The following GPCPD1 variants were observed in gnomAD, a reference collection of about 807,000 sequenced individuals.
The protein encoded by GPCPD1 is glycerophosphocholine phosphodiesterase GPCPD1.
A neutral mutation model predicts 89.2 loss-of-function variants in GPCPD1; 29 were observed. The ratio of observed to expected loss-of-function variants is 0.33; its 90% CI spans 0.24 to 0.44. The LOEUF is 0.44. Ranked by LOEUF, GPCPD1 falls within the 20% of genes least tolerant of loss-of-function variation. GPCPD1 has a pLI of 1.00. For synonymous variants in GPCPD1, 258 were observed against 266.3 expected (o/e 0.97, Z 0.30); for missense variants, 594 against 808.9 (o/e 0.73, Z 3.22).
At chr20:5,585,987 G>A in intron 5 of GPCPD1, 3 of 423,884 alleles carry the variant, frequency 7.1e-6, no homozygotes, top group Non-Finnish European at 1.3e-5. Flanking sequence ...AAATATCTAG[G>A]TAAATATTTC....
chr20:5,572,105 G>T (rs1288186011), intron 11 of GPCPD1, among the ~76,000 whole-genome samples: 1 of 151,856 alleles, frequency 6.6e-6, no homozygotes, highest in Non-Finnish European at 1.5e-5. Context: ...TGTGGTCCCA[G>T]CTACTTGAGA....
At chr20:5,578,359 C>T (rs1978305533) in intron 8 of GPCPD1, 21 bp downstream of exon 8, 1 of 1,326,294 alleles carries the variant, frequency 7.5e-7, no homozygotes, top group African/African-American at 1.4e-5. Flanking sequence ...TCTCAATCCC[C>T]TCACTGCAGT....
intron 1 of GPCPD1, among the ~76,000 whole-genome samples, chr20:5,606,891 G>A (rs1208848939): frequency 6.6e-6 from 1 of 152,186 alleles, no homozygotes; most frequent in Non-Finnish European, 1.5e-5. Flanking sequence ...ATCTCACAGA[G>A]TGCAAGACCA....
At chr20:5,558,845 C>A in intron 17 of GPCPD1, 26 bp from the exon 18 acceptor site, 1 of 1,505,828 alleles carries the variant, frequency 6.6e-7, no homozygotes, top group South Asian at 1.2e-5. Context: ...TTTAAAAATA[C>A]CTTTCAATGG....
intron 3 of GPCPD1, among the ~76,000 whole-genome samples, chr20:5,596,527 T>C (rs1189592702): frequency 1.3e-5 from 2 of 152,316 alleles, no homozygotes; most frequent in East Asian, 3.9e-4. Flanking sequence ...ATTGCCCTTA[T>C]ATCCTTTCCC....
intron 16 of GPCPD1, among the ~76,000 whole-genome samples, chr20:5,561,046 T>G (rs1728641746): frequency 6.6e-6 from 1 of 152,238 alleles, no homozygotes. Context: ...TTGTAAGTGA[T>G]TTAAAACAAT....
intron 3 of GPCPD1, among the ~76,000 whole-genome samples, chr20:5,595,299 T>TA (rs1979635012): frequency 6.6e-6 from 1 of 151,796 alleles, no homozygotes; most frequent in Non-Finnish European, 1.5e-5. Flanking sequence ...AGTATAATAA[T>TA]AAAAAATAAA....
intron 17 of GPCPD1, among the ~76,000 whole-genome samples, 164 bp from the exon 18 acceptor site, chr20:5,558,983 A>G (rs1331913933): frequency 6.6e-6 from 1 of 152,144 alleles, no homozygotes; most frequent in African/African-American, 2.4e-5. Context: ...CGGGCAGAGC[A>G]CTTGCGGTCA....
chr20:5,567,562 T>TAAAAAAAAAAAAAAAAAAAAAAA lies in GPCPD1; in HGVS notation c.1150-3_1150-2insTTTTTTTTTTTTTTTTTTTTTTT. On this transcript the variant is annotated splice_region_variant and splice_polypyrimidine_tract_variant and intron_variant, in intron 12 of 19. Coordinates refer to ENST00000379019, the MANE Select transcript of GPCPD1 (RefSeq NM_019593.5). ...TTCAACTGGATCAGCATCAAATTTCTAAAAAAAAAAAAAAAAGAAAGAAAG... is the reference window on the plus strand; with the variant it reads ...TTCAACTGGATCAGCATCAAATTTCTAAAAAAAAAAAAAAAAAAAAAAAAAAAAAAAAAAAAAAAGAAAGAAAG... 1 of 1,296,988 alleles carries TAAAAAAAAAAAAAAAAAAAAAAA rather than the reference T, an allele frequency of 7.7e-7. No homozygotes were observed. 80.3% of individuals were successfully genotyped at this position (1,296,988 alleles called of 1,614,324 possible).
In GPCPD1 at chr20:5,595,369, G is replaced by A. The variant is rs146702863; in HGVS notation, c.147-1958C>T. Among the ~76,000 whole-genome samples the A allele has an allele frequency of 4.1e-3, 620 of 152,206 alleles. 14 individuals carry two copies. The East Asian group carries it at 0.069, about 17-fold the overall frequency. On this transcript the variant is annotated intron_variant, in intron 3 of 19. Coordinates refer to ENST00000379019, the MANE Select transcript of GPCPD1 (RefSeq NM_019593.5). ...GCAAGAATAGCAAATGCTGCCAGGCGTGGTGGCTCACGCCTGTAATCCCAA... is the reference window on the plus strand; with the variant it reads ...GCAAGAATAGCAAATGCTGCCAGGCATGGTGGCTCACGCCTGTAATCCCAA...
At chr20:5,586,141 CAT>C in intron 5 of GPCPD1, 51 bp downstream of exon 5, 1 of 851,056 alleles carries the variant, frequency 1.2e-6, no homozygotes, top group Non-Finnish European at 2.0e-6. Flanking sequence ...CATTGTGCAG[CAT>C]ATTAGTAACT....
In GPCPD1 at chr20:5,560,089, A is replaced by T; in HGVS notation, c.1396-13T>A. The stretch of plus-strand genomic sequence containing the variant: ...CCCACATTCCATCCTAGTGAAAGAG[A>T]AAGCAAAATAAAAGTCACTGCACAT... On this transcript the variant is annotated splice_polypyrimidine_tract_variant and intron_variant, in intron 16 of 19. Transcript: ENST00000379019. 9 of 1,510,600 alleles carry T rather than the reference A, an allele frequency of 6.0e-6. No individual in the cohort carries two copies. Among genetic ancestry groups the T allele is most frequent in the Non-Finnish European group, 8.0e-6 (9 of 1,131,678 alleles). 93.6% of individuals were successfully genotyped at this position (1,510,600 alleles called of 1,614,324 possible). A position where few individuals can be genotyped will look rare whatever the true frequency, so the allele number is the denominator to read the frequency against.
At chr20:5,578,168 T>C (rs773341829) in intron 8 of GPCPD1, among the ~76,000 whole-genome samples, 34 of 152,222 alleles carry the variant, frequency 2.2e-4, no homozygotes, top group Non-Finnish European at 2.9e-5. Flanking sequence ...CTGGTCTTGA[T>C]TGGAAACATC....
At chr20:5,607,540 T>G (rs1397475085) in intron 1 of GPCPD1, among the ~76,000 whole-genome samples, 1 of 151,360 alleles carries the variant, frequency 6.6e-6, no homozygotes, top group Non-Finnish European at 1.5e-5. Context: ...ATCATGCCAC[T>G]GCACTCCAGC....
At chr20:5,566,858 G>A in intron 13 of GPCPD1, 86 bp from the exon 14 acceptor site, 1 of 853,274 alleles carries the variant, frequency 1.2e-6, no homozygotes, top group Non-Finnish European at 2.0e-6. Context: ...TGAAAAACTA[G>A]CAAGATAAAA....
chr20:5,588,594 G>C (rs1407739578), intron 4 of GPCPD1, among the ~76,000 whole-genome samples: 1 of 152,060 alleles, frequency 6.6e-6, no homozygotes, highest in African/African-American at 2.4e-5. Flanking sequence ...GGAGGCCAAG[G>C]CAGGCAGATC....
chr20:5,568,251 GTA>G, intron 12 of GPCPD1, among the ~76,000 whole-genome samples: 1 of 145,192 alleles, frequency 6.9e-6, no homozygotes, highest in East Asian at 2.0e-4. Flanking sequence ...TATATACTTA[GTA>G]TATATATATA....
intron 7 of GPCPD1, 27 bp from the exon 8 acceptor site, chr20:5,578,638 G>A (rs1568661883): frequency 1.4e-6 from 2 of 1,382,720 alleles, no homozygotes; most frequent in Non-Finnish European, 2.1e-6. Flanking sequence ...ATAATGAGAT[G>A]CAAGAAGTGG....
chr20:5,551,948 C>G (rs1266510078), intron 19 of GPCPD1, among the ~76,000 whole-genome samples: 4 of 152,134 alleles, frequency 2.6e-5, no homozygotes, highest in South Asian at 2.1e-4. Flanking sequence ...TCATTCAAAA[C>G]CTTCTATGTG....
Sources: allele counts gnomAD v4.1 joint callset (sites outside exome capture counted in the v4.1 genomes callset), GRCh38; gene constraint gnomAD v4.1.1; transcripts MANE v1.5; gene names NCBI Gene and HGNC (gene_info 2026-07-23, HGNC 2026-07-21).